The following RABGAP1L variants were observed in gnomAD, a reference collection of about 807,000 sequenced individuals.
RABGAP1L encodes the protein rab GTPase-activating protein 1-like.
RABGAP1L carries 63 observed loss-of-function variants against 137.7 expected under a neutral mutation model. The observed-to-expected ratio is 0.46, with a 90% confidence interval of 0.37 to 0.56. The LOEUF (loss-of-function observed/expected upper bound fraction) is 0.56. RABGAP1L is among the 20% of genes least tolerant of loss of function. The pLI, the probability that RABGAP1L is intolerant of heterozygous loss-of-function variation, is 0.00. For missense variants in RABGAP1L, 1,095 were observed against 1,244.0 expected (o/e 0.88, Z 1.80); for synonymous variants, 431 against 433.7 (o/e 0.99, Z 0.08).
intron 11 of RABGAP1L, among the ~76,000 whole-genome samples, chr1:174,338,075 C>G (rs147863146): frequency 6.6e-6 from 1 of 152,068 alleles, no homozygotes; most frequent in Non-Finnish European, 1.5e-5. Context: ...GGCTCTTGAC[C>G]TTTTTCTCTA....
At chr1:174,655,757 C>T (rs920043504) in intron 14 of RABGAP1L, among the ~76,000 whole-genome samples, 2 of 151,972 alleles carry the variant, frequency 1.3e-5, no homozygotes, top group African/African-American at 4.8e-5. Context: ...ATTGTATTTC[C>T]TTGCTATCAT....
At chr1:174,249,236 C>T (rs189455435) in intron 5 of RABGAP1L, among the ~76,000 whole-genome samples, 1 of 152,140 alleles carries the variant, frequency 6.6e-6, no homozygotes, top group African/African-American at 2.4e-5. Flanking sequence ...ATTCTGGGAA[C>T]CCAACACTTA....
At chr1:174,647,963 A>T (rs1191352608) in intron 14 of RABGAP1L, among the ~76,000 whole-genome samples, 1 of 151,904 alleles carries the variant, frequency 6.6e-6, no homozygotes, top group Non-Finnish European at 1.5e-5. Flanking sequence ...GAATTCATCC[A>T]TTTCTTCTAG....
At chr1:174,365,731 GCA>G (rs1684559352) in intron 11 of RABGAP1L, among the ~76,000 whole-genome samples, 2 of 152,228 alleles carry the variant, frequency 1.3e-5, no homozygotes, top group Non-Finnish European at 2.9e-5. Context: ...GGTGGTATCA[GCA>G]ACTCATGACT....
At chr1:174,686,509 G>A (rs1027706960) in intron 15 of RABGAP1L, among the ~76,000 whole-genome samples, 1 of 152,000 alleles carries the variant, frequency 6.6e-6, no homozygotes, top group African/African-American at 2.4e-5. Flanking sequence ...CTAAGAGGCT[G>A]GAGACCATAC....
At chr1:174,674,138 A>G (rs912054151) in intron 14 of RABGAP1L, among the ~76,000 whole-genome samples, 2 of 149,100 alleles carry the variant, frequency 1.3e-5, no homozygotes, top group Middle Eastern at 3.3e-3. Flanking sequence ...TGCACAATGT[A>G]CAGGTTAGTT....
chr1:174,522,841 A>G lies in RABGAP1L; in HGVS notation c.1711-114534A>G, dbSNP rs187844257. The stretch of plus-strand genomic sequence containing the variant: ...GGATCAGATCTTATGAGAACTCACT[A>G]TTGTGAGGATAGCATGAAGAGGATG... On this transcript the variant is annotated intron_variant, in intron 13 of 25. Transcript: ENST00000681986. Among the ~76,000 whole-genome samples the G allele has an allele frequency of 2.5e-4, 38 of 152,324 alleles. 1 individual carries two copies. The highest frequency in any genetic ancestry group is 8.8e-5 in the Non-Finnish European group (6 of 68,024).
chr1:174,982,214 G>A (rs375998952), intron 23 of RABGAP1L, among the ~76,000 whole-genome samples: 17 of 152,066 alleles, frequency 1.1e-4, no homozygotes, highest in African/African-American at 3.6e-4. Context: ...TACACGTGCC[G>A]TGGTGGTTTG....
chr1:174,615,963 T>C (rs1671811280), intron 13 of RABGAP1L, among the ~76,000 whole-genome samples: 1 of 152,220 alleles, frequency 6.6e-6, no homozygotes, highest in Non-Finnish European at 1.5e-5. Context: ...GTTACCCGAT[T>C]TTCCAGGTGC....
intron 17 of RABGAP1L, among the ~76,000 whole-genome samples, chr1:174,702,671 A>G: frequency 6.6e-6 from 1 of 152,156 alleles, no homozygotes; most frequent in African/African-American, 2.4e-5. Context: ...TTCATCAGAT[A>G]TCTTTCTGTT....
At chr1:174,943,102 C>T (rs1052611922) in intron 19 of RABGAP1L, among the ~76,000 whole-genome samples, 3 of 152,196 alleles carry the variant, frequency 2.0e-5, no homozygotes, top group African/African-American at 7.2e-5. Flanking sequence ...TCGTACTCTT[C>T]AGCTAGCAAT....
At chr1:174,861,969 GT>G in intron 19 of RABGAP1L, among the ~76,000 whole-genome samples, 1 of 152,250 alleles carries the variant, frequency 6.6e-6, no homozygotes, top group South Asian at 2.1e-4. Flanking sequence ...AGTCCTACGT[GT>G]TTATTTTTGC....
At chr1:174,935,294 T>C (rs963377622) in intron 19 of RABGAP1L, 1 of 152,252 alleles carries the variant, frequency 6.6e-6, no homozygotes, top group Non-Finnish European at 1.5e-5. Flanking sequence ...CTTTGAGTTC[T>C]GTTTTTTCTG....
intron 17 of RABGAP1L, among the ~76,000 whole-genome samples, chr1:174,711,464 G>A (rs912722304): frequency 9.2e-5 from 14 of 152,084 alleles, no homozygotes; most frequent in African/African-American, 2.7e-4. Flanking sequence ...CCAGGTGGGC[G>A]CGGGCTTGGC....
chr1:174,279,271 G>A (rs547787874), intron 10 of RABGAP1L, among the ~76,000 whole-genome samples: 18 of 152,124 alleles, frequency 1.2e-4, no homozygotes, highest in African/African-American at 3.4e-4. Context: ...ACAAAATTAT[G>A]GTTTCTATGA....
intron 18 of RABGAP1L, among the ~76,000 whole-genome samples, chr1:174,770,739 G>GTC (rs1429730666): frequency 3.3e-5 from 5 of 152,084 alleles, no homozygotes; most frequent in African/African-American, 1.2e-4. Flanking sequence ...TTTAATGAAG[G>GTC]TCTGTTCTGC....
rs116162637 is a variant in RABGAP1L at position 174,341,597 on chromosome 1, G to A, written c.1466-29382G>A. Among the ~76,000 whole-genome samples the A allele has an allele frequency of 9.3e-3, 1,418 of 152,220 alleles. 27 individuals are homozygous for A. Among genetic ancestry groups the A allele is most frequent in the African/African-American group, 0.033 (1,365 of 41,530 alleles). ...GTTTTATTTAAAATCCCTGAAGTTTGAACTGAAATGGAACTTTTCCTGTCC... is the reference window on the plus strand; with the variant it reads ...GTTTTATTTAAAATCCCTGAAGTTTAAACTGAAATGGAACTTTTCCTGTCC... On this transcript the variant is annotated intron_variant, in intron 11 of 25. Transcript: ENST00000681986.
chr1:174,301,880 A>G (rs1167964534), intron 10 of RABGAP1L, among the ~76,000 whole-genome samples: 4 of 152,332 alleles, frequency 2.6e-5, no homozygotes, highest in Middle Eastern at 6.8e-3. Context: ...ATCAGAGGAA[A>G]GTGTGCCAAA....
intron 13 of RABGAP1L, among the ~76,000 whole-genome samples, chr1:174,427,262 A>C (rs538642822): frequency 1.3e-4 from 20 of 152,010 alleles, no homozygotes; most frequent in Non-Finnish European, 2.1e-4. Context: ...AAAATTACCC[A>C]AGATGATTGC....
Sources: gnomAD v4.1 joint callset for allele counts (sites outside exome capture counted in the v4.1 genomes callset) on GRCh38, gnomAD v4.1.1 for gene constraint, MANE v1.5 for transcripts, NCBI Gene and HGNC (gene_info 2026-07-23, HGNC 2026-07-21) for gene names.